The following WDFY1 variants were observed in gnomAD, a reference collection of about 807,000 sequenced individuals.
The protein encoded by WDFY1 is WD repeat and FYVE domain containing 1.
WDFY1 carries 32 observed loss-of-function variants against 56.4 expected under a neutral mutation model. The observed-to-expected ratio is 0.57, with a 90% CI of 0.43 to 0.76. WDFY1 has a LOEUF of 0.76. WDFY1 is among the 30% of genes least tolerant of loss of function. The pLI is 0.00. For synonymous variants in WDFY1, 192 were observed against 197.3 expected (o/e 0.97, Z 0.23); for missense variants, 480 against 545.7 (o/e 0.88, Z 1.20).
At chr2:223,886,451 G>A (rs530158416) in intron 8 of WDFY1, among the ~76,000 whole-genome samples, 5 of 151,956 alleles carry the variant, frequency 3.3e-5, no homozygotes, top group African/African-American at 4.8e-5. Context: ...TAGGCCGGGC[G>A]CAGTGGCTCA....
intron 1 of WDFY1, among the ~76,000 whole-genome samples, chr2:223,932,117 CTTTTTTTTT>C (rs35246074): frequency 1.1e-5 from 1 of 93,984 alleles, no homozygotes; most frequent in Admixed American, 1.4e-4. Flanking sequence ...GTATGAGTAC[CTTTTTTTTT>C]TTTTTTTTTT....
intron 4 of WDFY1, 108 bp from the exon 5 acceptor site, chr2:223,901,441 A>G: frequency 7.5e-7 from 1 of 1,325,792 alleles, no homozygotes; most frequent in South Asian, 1.4e-5. Context: ...AGCTGTGTAC[A>G]AGAGTGTACT....
At position 223,884,637 on chromosome 2, in the gene WDFY1, T is replaced by C. The variant is rs1385198129; in HGVS notation, c.933+11A>G. ...AATCAAGCCAGAGATGACTCGACAG[T>C]GGCTACTCACTTGTCTTAGCCCCAG... On this transcript the variant is annotated intron_variant, in intron 9 of 11. Transcript: ENST00000233055. 2 of 1,611,594 alleles carry C rather than the reference T, an allele frequency of 1.2e-6. No homozygotes were observed. The highest frequency in any genetic ancestry group is 1.7e-6 in the Non-Finnish European group (2 of 1,177,726).
rs559380261 is a variant in WDFY1 at position 223,878,529 on chromosome 2, C to A, written c.*142G>T. On this transcript the variant is annotated 3_prime_UTR_variant, in exon 12 of 12. Coordinates refer to ENST00000233055, the MANE Select transcript of WDFY1 (RefSeq NM_020830.5). ...GTTCCACAAATGCCCCAAAACACAC[C>A]TTTACATTTTCTTTTTAAAAATGTT... The A allele has an allele frequency of 3.0e-6, 2 of 666,680 alleles. No individual in the cohort carries two copies. Among genetic ancestry groups the A allele is most frequent in the East Asian group, 2.8e-5 (1 of 35,488 alleles). The allele number at this position is 666,680 out of a possible 1,614,324, so 41.3% of individuals were successfully genotyped here. A position where few individuals can be genotyped will look rare whatever the true frequency, so the allele number is the denominator to read the frequency against.
chr2:223,888,586 ATTTT>A (rs71058954), intron 8 of WDFY1, among the ~76,000 whole-genome samples: 1 of 131,394 alleles, frequency 7.6e-6, no homozygotes, highest in Non-Finnish European at 1.5e-5. Context: ...TAAATTCTCA[ATTTT>A]TTTTTTTTTT....
intron 1 of WDFY1, among the ~76,000 whole-genome samples, chr2:223,934,081 C>CTTTTTTTT (rs201021204): frequency 2.9e-5 from 4 of 136,168 alleles, no homozygotes; most frequent in African/African-American, 1.1e-4. Flanking sequence ...TTTTTCTTTT[C>CTTTTTTTT]TTTTTTTTTT....
At chr2:223,916,214 A>G (rs927165781) in intron 2 of WDFY1, among the ~76,000 whole-genome samples, 1 of 152,200 alleles carries the variant, frequency 6.6e-6, no homozygotes, top group African/African-American at 2.4e-5. Flanking sequence ...AAATCCTAAT[A>G]AACTACTAAC....
chr2:223,945,021 G>A (rs1353194532), intron 1 of WDFY1, 127 bp downstream of exon 1: 3 of 1,114,504 alleles, frequency 2.7e-6, no homozygotes, highest in Admixed American at 3.3e-5. Flanking sequence ...AAGGGGCGCA[G>A]AGTGGGGGTG....
At chr2:223,903,641 G>C (rs74971412) in intron 4 of WDFY1, among the ~76,000 whole-genome samples, 60 of 32,638 alleles carry the variant, frequency 1.8e-3, no homozygotes, top group African/African-American at 3.3e-3. Context: ...ACACACACAC[G>C]TTTTTTGTTT....
chr2:223,930,145 C>T (rs1694049928), intron 1 of WDFY1, among the ~76,000 whole-genome samples: 1 of 152,178 alleles, frequency 6.6e-6, no homozygotes, highest in Non-Finnish European at 1.5e-5. Context: ...CCAACAAAGT[C>T]TCTCACTACC....
At chr2:223,884,201 G>T (rs908776980) in intron 9 of WDFY1, among the ~76,000 whole-genome samples, 6 of 151,896 alleles carry the variant, frequency 4.0e-5, no homozygotes, top group Admixed American at 2.6e-4. Context: ...TGCTTATAAG[G>T]GAACAATTTA....
At chr2:223,905,453 G>C (rs767849180) in intron 4 of WDFY1, among the ~76,000 whole-genome samples, 1 of 152,118 alleles carries the variant, frequency 6.6e-6, no homozygotes, top group Non-Finnish European at 1.5e-5. Context: ...TCAGGAGTTC[G>C]AGACCAGCTT....
intron 1 of WDFY1, among the ~76,000 whole-genome samples, chr2:223,919,709 G>A (rs879520908): frequency 2.0e-5 from 3 of 152,178 alleles, no homozygotes; most frequent in Non-Finnish European, 4.4e-5. Flanking sequence ...GTAGATTCTG[G>A]CATAAGTAGG....
At chr2:223,887,577 G>A (rs953710659) in intron 8 of WDFY1, among the ~76,000 whole-genome samples, 1 of 152,184 alleles carries the variant, frequency 6.6e-6, no homozygotes, top group African/African-American at 2.4e-5. Context: ...TTATTGCTCA[G>A]TGCTTTAGAA....
At chr2:223,908,870 C>T (rs1227025174) in intron 3 of WDFY1, among the ~76,000 whole-genome samples, 1 of 152,162 alleles carries the variant, frequency 6.6e-6, no homozygotes, top group Non-Finnish European at 1.5e-5. Flanking sequence ...AAAGCTGCTC[C>T]CTATTTCAAC....
chr2:223,891,569 C>A (rs1693279939), intron 8 of WDFY1, among the ~76,000 whole-genome samples: 1 of 152,068 alleles, frequency 6.6e-6, no homozygotes, highest in East Asian at 1.9e-4. Context: ...GAATTGTGCA[C>A]ACAGGAAATG....
chr2:223,890,951 G>C (rs920175150), intron 8 of WDFY1, among the ~76,000 whole-genome samples: 2 of 152,146 alleles, frequency 1.3e-5, no homozygotes, highest in African/African-American at 4.8e-5. Context: ...CAGCGTAGTG[G>C]TTGAAGCCAC....
At chr2:223,929,543 A>G (rs1463860871) in intron 1 of WDFY1, among the ~76,000 whole-genome samples, 1 of 152,120 alleles carries the variant, frequency 6.6e-6, no homozygotes, top group Non-Finnish European at 1.5e-5. Context: ...ACACACAAGA[A>G]TGTTCCTGCA....
rs148123703 is a variant in WDFY1 at position 223,892,922 on chromosome 2, G to A, written c.831+1312C>T. 6.4e-3 allele frequency among the ~76,000 whole-genome samples: 971 copies of A among 152,294 alleles called. 11 individuals carry two copies. The highest frequency in any genetic ancestry group is 0.022 in the African/African-American group (906 of 41,556). On this transcript the variant is annotated intron_variant, in intron 8 of 11. Coordinates refer to ENST00000233055, the MANE Select transcript of WDFY1 (RefSeq NM_020830.5). ...CTGTAGGTGCCCAACAAATATTTCTGAAGTTAAACTATAAGTCATTAACAT... is the reference window on the plus strand; with the variant it reads ...CTGTAGGTGCCCAACAAATATTTCTAAAGTTAAACTATAAGTCATTAACAT...
Sources: allele counts gnomAD v4.1 joint callset (sites outside exome capture counted in the v4.1 genomes callset), GRCh38; gene constraint gnomAD v4.1.1; transcripts MANE v1.5; gene names NCBI Gene and HGNC (gene_info 2026-07-23, HGNC 2026-07-21).